The following ARHGAP22 variants were observed in gnomAD, a reference collection of about 807,000 sequenced individuals.
The protein encoded by ARHGAP22 is rho GTPase-activating protein 22.
A neutral mutation model predicts 59.1 loss-of-function variants in ARHGAP22; 48 were observed. That is an observed-to-expected ratio of 0.81 (90% confidence interval 0.64 to 1.03). The LOEUF (loss-of-function observed/expected upper bound fraction) is 1.03. Ranked by LOEUF, ARHGAP22 falls within the 50% of genes least tolerant of loss-of-function variation. The pLI is 0.00. For missense variants in ARHGAP22, 1,015 were observed against 958.7 expected (o/e 1.06, Z -0.78); for synonymous variants, 445 against 416.4 (o/e 1.07, Z -0.84).
At chr10:48,604,730 G>A (rs1443941873) in intron 1 of ARHGAP22, 33 bp downstream of exon 1, 3 of 1,614,224 alleles carry the variant, frequency 1.9e-6, no homozygotes, top group Non-Finnish European at 2.5e-6. Context: ...GGCACATGCG[G>A]TGCCCAGAGA....
At chr10:48,494,198 C>T (rs999786830) in intron 3 of ARHGAP22, among the ~76,000 whole-genome samples, 38 of 152,314 alleles carry the variant, frequency 2.5e-4, no homozygotes, top group African/African-American at 8.9e-4. Context: ...GCTGACGCTC[C>T]GTGAGCTTTC....
chr10:48,584,830 T>C (rs1294316765), intron 1 of ARHGAP22, among the ~76,000 whole-genome samples: 1 of 152,020 alleles, frequency 6.6e-6, no homozygotes, highest in African/African-American at 2.4e-5. Flanking sequence ...CTGTCTCTAC[T>C]AAAAATACAA....
In ARHGAP22 at chr10:48,450,507, C is replaced by A. The variant is rs1475147478; in HGVS notation, c.1622G>T (p.Ser541Ile). 2.6e-6 allele frequency: 4 copies of A among 1,529,634 alleles called. No individual in the cohort carries two copies. In the African/African-American group the frequency reaches 5.5e-5, roughly 21 times the overall value. The allele number at this position is 1,529,634 out of a possible 1,614,324, so 94.8% of individuals were successfully genotyped here. Residue 541 changes from serine (S) to isoleucine (I), a missense_variant, in exon 9 of 10, where the codon AGT (serine) becomes ATT (isoleucine). Transcript: ENST00000249601. ...CAGGGCCCAGTCGGTGTGCAGGGAACTGCGGGCAGACGAGTCGCTGGCGCG... is the reference window on the plus strand; with the variant it reads ...CAGGGCCCAGTCGGTGTGCAGGGAAATGCGGGCAGACGAGTCGCTGGCGCG... ...ACRASDSSAR[S>I]SLHTDWALEP...
upstream of ARHGAP22, among the ~76,000 whole-genome samples, chr10:48,608,604 T>C (rs2060764488): frequency 6.6e-6 from 1 of 152,202 alleles, no homozygotes. Context: ...GCCTGCTTAG[T>C]GCACTCTCTG....
In ARHGAP22 at chr10:48,454,150, C is replaced by T. The variant is rs930546985; in HGVS notation, c.804G>A (p.Glu268=). 6.2e-7 allele frequency: 1 copy of T among 1,613,918 alleles called. No individual in the cohort carries two copies. Among genetic ancestry groups the T allele is most frequent in the Admixed American group, 1.7e-5 (1 of 60,022 alleles). The part of the protein sequence containing the change: ...LTKDEGEGTL[E]LAKQVSNLPQ... ...GAAGGTTGCTCACTTGTTTAGCCAA[C>T]TCCAGAGTGCCCTTAGGAATGAAGA... Residue 268 remains glutamate, a synonymous_variant, in exon 7 of 10, where the codon GAG becomes GAA. Transcript: ENST00000249601.
At chr10:48,457,714 G>A (rs868515142) in intron 5 of ARHGAP22, among the ~76,000 whole-genome samples, 2 of 152,148 alleles carry the variant, frequency 1.3e-5, no homozygotes, top group African/African-American at 4.8e-5. Flanking sequence ...TTCCAGGCCT[G>A]GTGAGGCTTT....
At chr10:48,593,542 G>A (rs1375634469) in intron 1 of ARHGAP22, among the ~76,000 whole-genome samples, 1 of 152,230 alleles carries the variant, frequency 6.6e-6, no homozygotes, top group Non-Finnish European at 1.5e-5. Context: ...GTTACTGGAA[G>A]ACAAACACTG....
chr10:48,614,409 C>A lies in ARHGAP22; in HGVS notation c.53-31257G>T, dbSNP rs117157135. Among the ~76,000 whole-genome samples, 13 of 152,246 alleles carry A rather than the reference C, an allele frequency of 8.5e-5. 1 individual carries two copies. The East Asian group carries it at 2.5e-3, about 29-fold the overall frequency. On this transcript the variant is annotated intron_variant, in intron 1 of 9. Coordinates refer to the ARHGAP22 transcript ENST00000435790. Reference sequence around the variant, plus strand: ...GTGGATTGAAAATGACTGGTGAATTCCAGTTCCAGGAACATTATGGATTAC... The same window carrying A: ...GTGGATTGAAAATGACTGGTGAATTACAGTTCCAGGAACATTATGGATTAC...
chr10:48,500,541 A>G (rs2051403428), intron 3 of ARHGAP22, among the ~76,000 whole-genome samples: 1 of 152,076 alleles, frequency 6.6e-6, no homozygotes, highest in African/African-American at 2.4e-5. Context: ...ATGAGGAAAA[A>G]TCAAGCTGAA....
At chr10:48,560,107 A>G (rs1417242098) in intron 2 of ARHGAP22, among the ~76,000 whole-genome samples, 1 of 152,236 alleles carries the variant, frequency 6.6e-6, no homozygotes, top group Non-Finnish European at 1.5e-5. Context: ...TTTGCTAACC[A>G]TCTGATCTTA....
chr10:48,530,257 A>AAAAAAAAAAAC, intron 3 of ARHGAP22, among the ~76,000 whole-genome samples: 1 of 151,398 alleles, frequency 6.6e-6, no homozygotes, highest in African/African-American at 2.4e-5. Flanking sequence ...AAAAAAAAAA[A>AAAAAAAAAAAC]AAAATCAACT....
upstream of ARHGAP22, among the ~76,000 whole-genome samples, chr10:48,605,340 C>T (rs60579128): frequency 1.4e-5 from 2 of 138,238 alleles, no homozygotes; most frequent in Non-Finnish European, 3.2e-5. Context: ...ACCCCCCCCC[C>T]ACCCCAGAGC....
At chr10:48,622,514 T>G (rs2061319042) in intron 1 of ARHGAP22, among the ~76,000 whole-genome samples, 1 of 152,230 alleles carries the variant, frequency 6.6e-6, no homozygotes, top group Non-Finnish European at 1.5e-5. Context: ...TTTCAATACA[T>G]GTATACAATG....
Position 48,505,824 on chromosome 10 carries a change from T to A in ARHGAP22, c.323-26060A>T, listed in dbSNP as rs74455262. ...CTGTAAGGAGCCTGTAAGGGCTGGTTGGAGAAGCTGCAGCCCAAGGGAAAG... is the reference window on the plus strand; with the variant it reads ...CTGTAAGGAGCCTGTAAGGGCTGGTAGGAGAAGCTGCAGCCCAAGGGAAAG... On this transcript the variant is annotated intron_variant, in intron 3 of 9. Coordinates refer to ENST00000249601, the MANE Select transcript of ARHGAP22 (RefSeq NM_021226.4). 3.9e-5 allele frequency among the ~76,000 whole-genome samples: 6 copies of A among 152,336 alleles called. No homozygotes were observed. The East Asian group carries it at 9.6e-4, about 24-fold the overall frequency.
At chr10:48,537,201 G>C (rs1238718812) in intron 3 of ARHGAP22, among the ~76,000 whole-genome samples, 1 of 152,238 alleles carries the variant, frequency 6.6e-6, no homozygotes, top group East Asian at 1.9e-4. Context: ...AGCCCTTGCG[G>C]GGTGGCTGGT....
chr10:48,636,343 T>C (rs1433280163), intron 1 of ARHGAP22, among the ~76,000 whole-genome samples: 2 of 152,192 alleles, frequency 1.3e-5, no homozygotes, highest in Non-Finnish European at 1.5e-5. Context: ...CTGTGTCCCA[T>C]GCTTGGTGCT....
At chr10:48,609,378 A>T (rs1005327064), upstream of ARHGAP22, among the ~76,000 whole-genome samples, 5 of 152,154 alleles carry the variant, frequency 3.3e-5, no homozygotes, top group African/African-American at 1.2e-4. Flanking sequence ...GGCTTCCAGG[A>T]TTCCTTCTCT....
intron 1 of ARHGAP22, among the ~76,000 whole-genome samples, chr10:48,651,094 C>T (rs1203328359): frequency 3.9e-5 from 6 of 152,214 alleles, no homozygotes; most frequent in African/African-American, 1.2e-4. Flanking sequence ...CATTACATCA[C>T]ATCACCTGGG....
chr10:48,500,666 T>C (rs1368922458), intron 3 of ARHGAP22, among the ~76,000 whole-genome samples: 3 of 152,072 alleles, frequency 2.0e-5, no homozygotes, highest in African/African-American at 7.2e-5. Flanking sequence ...GGTGGGCGGA[T>C]CACCTGAGGC....
Sources: allele counts gnomAD v4.1 joint callset (sites outside exome capture counted in the v4.1 genomes callset), GRCh38; gene constraint gnomAD v4.1.1; transcripts MANE v1.5; gene names NCBI Gene and HGNC (gene_info 2026-07-23, HGNC 2026-07-21).